The following ETV6 variants were observed in gnomAD, a reference collection of about 807,000 sequenced individuals.
ETV6 encodes the protein transcription factor ETV6.
A neutral mutation model predicts 51.1 loss-of-function variants in ETV6; 16 were observed. The ratio of observed to expected loss-of-function variants is 0.31; its 90% CI spans 0.21 to 0.48. The LOEUF (loss-of-function observed/expected upper bound fraction) is 0.48. Ranked by LOEUF, ETV6 falls within the 20% of genes least tolerant of loss-of-function variation. ETV6 has a pLI of 0.99. For synonymous variants in ETV6, 240 were observed against 224.1 expected (o/e 1.07, Z -0.64); for missense variants, 458 against 594.8 (o/e 0.77, Z 2.39).
chr12:11,827,301 C>A (rs1422642231), intron 2 of ETV6, among the ~76,000 whole-genome samples: 1 of 152,052 alleles, frequency 6.6e-6, no homozygotes, highest in African/African-American at 2.4e-5. Flanking sequence ...GTAGATTCGA[C>A]ACCCAAAGGC....
intron 2 of ETV6, among the ~76,000 whole-genome samples, chr12:11,818,697 A>T (rs540891972): frequency 6.6e-6 from 1 of 152,240 alleles, no homozygotes; most frequent in African/African-American, 2.4e-5. Context: ...GACAGTAGAA[A>T]TGCTAGTGTT....
At chr12:11,673,648 G>C (rs1007120878) in intron 1 of ETV6, among the ~76,000 whole-genome samples, 1 of 152,150 alleles carries the variant, frequency 6.6e-6, no homozygotes, top group Admixed American at 6.5e-5. Flanking sequence ...TAGGCCCTCC[G>C]AATGTCATCT....
intron 1 of ETV6, among the ~76,000 whole-genome samples, chr12:11,717,920 A>G (rs571894984): frequency 1.3e-5 from 2 of 152,168 alleles, no homozygotes; most frequent in Non-Finnish European, 2.9e-5. Context: ...AACAGAATTA[A>G]CAGCCTGGAA....
At chr12:11,882,588 C>T (rs1186918455) in intron 5 of ETV6, among the ~76,000 whole-genome samples, 1 of 152,214 alleles carries the variant, frequency 6.6e-6, no homozygotes, top group African/African-American at 2.4e-5. Context: ...AGCCACAGCA[C>T]AGTACCTACA....
intron 2 of ETV6, among the ~76,000 whole-genome samples, chr12:11,827,740 C>T (rs1946179793): frequency 6.6e-6 from 1 of 152,158 alleles, no homozygotes; most frequent in African/African-American, 2.4e-5. Flanking sequence ...AGATCAGGTC[C>T]CAGTTCAGAA....
At chr12:11,762,036 G>T (rs534583487) in intron 2 of ETV6, among the ~76,000 whole-genome samples, 5 of 152,196 alleles carry the variant, frequency 3.3e-5, no homozygotes, top group African/African-American at 7.2e-5. Context: ...AAGCCCTCCT[G>T]CAAGGAAATA....
At chr12:11,688,249 A>C (rs776652566) in intron 1 of ETV6, among the ~76,000 whole-genome samples, 1 of 152,194 alleles carries the variant, frequency 6.6e-6, no homozygotes, top group Non-Finnish European at 1.5e-5. Flanking sequence ...AAAAGAGTGA[A>C]AGGTACAATG....
chr12:11,838,118 T>G (rs1394148586), intron 2 of ETV6, among the ~76,000 whole-genome samples: 1 of 152,238 alleles, frequency 6.6e-6, no homozygotes, highest in Non-Finnish European at 1.5e-5. Flanking sequence ...GGCTGGACGC[T>G]CATCTCTGTT....
At chr12:11,717,526 A>C (rs1004300628) in intron 1 of ETV6, among the ~76,000 whole-genome samples, 1 of 152,182 alleles carries the variant, frequency 6.6e-6, no homozygotes, top group Non-Finnish European at 1.5e-5. Flanking sequence ...GCTATGGGGC[A>C]TGTATACATG....
At chr12:11,735,734 G>T (rs1007401240) in intron 1 of ETV6, among the ~76,000 whole-genome samples, 1 of 152,184 alleles carries the variant, frequency 6.6e-6, no homozygotes, top group Non-Finnish European at 1.5e-5. Flanking sequence ...GAGTAGCTGG[G>T]ATTACAGGCG....
At chr12:11,775,569 C>T (rs11054452) in intron 2 of ETV6, among the ~76,000 whole-genome samples, 5,339 of 152,226 alleles carry the variant, frequency 0.035, 106 homozygotes, top group South Asian at 0.14. Flanking sequence ...CAAGAACAGA[C>T]GCTTTTCTTG....
intron 4 of ETV6, among the ~76,000 whole-genome samples, chr12:11,864,206 T>C (rs1321422497): frequency 3.3e-5 from 5 of 152,222 alleles, no homozygotes; most frequent in African/African-American, 1.2e-4. Context: ...ATGAAAGTTC[T>C]TCCTCTCCTG....
chr12:11,869,515 T>C lies in ETV6; in HGVS notation c.555T>C (p.Pro185=), dbSNP rs1240193201. 1 of 1,613,938 alleles carries C rather than the reference T, an allele frequency of 6.2e-7. No individual in the cohort carries two copies. The highest frequency in any genetic ancestry group is 8.5e-7 in the Non-Finnish European group (1 of 1,179,992). ...AACTGTTGCACCGCTCCAGGTCACC[T>C]ATCACGACAAATCACCGGCCTTCTC... ...TIELLHRSRS[P]ITTNHRPSPD... Residue 185 remains proline, a synonymous_variant, in exon 5 of 8, where the codon CCT becomes CCC. Transcript: ENST00000396373. This position sits in a 1 kb window ranked among gnomAD's most constrained non-coding sequence, Gnocchi z 5.0.
At chr12:11,882,609 A>C (rs1947115150) in intron 5 of ETV6, among the ~76,000 whole-genome samples, 1 of 152,210 alleles carries the variant, frequency 6.6e-6, no homozygotes, top group Non-Finnish European at 1.5e-5. Context: ...AATAGCACCC[A>C]CTAAATACCG....
chr12:11,708,158 A>C (rs949294728), intron 1 of ETV6, among the ~76,000 whole-genome samples: 1 of 152,102 alleles, frequency 6.6e-6, no homozygotes, highest in Non-Finnish European at 1.5e-5. Flanking sequence ...TACCACATCC[A>C]GCCTTGATCT....
chr12:11,651,742 T>C (rs555324635), intron 1 of ETV6, among the ~76,000 whole-genome samples: 101 of 152,280 alleles, frequency 6.6e-4, no homozygotes, highest in African/African-American at 2.3e-3. Context: ...GGTAACTAAA[T>C]AGTAGGATAT....
intron 2 of ETV6, among the ~76,000 whole-genome samples, chr12:11,809,295 A>G (rs1945876077): frequency 6.6e-6 from 1 of 152,144 alleles, no homozygotes; most frequent in African/African-American, 2.4e-5. Context: ...ATGCAAAATG[A>G]ATATAGGAAA....
intron 1 of ETV6, among the ~76,000 whole-genome samples, chr12:11,689,079 C>G (rs904530381): frequency 6.9e-6 from 1 of 144,032 alleles, no homozygotes; most frequent in Non-Finnish European, 1.5e-5. Flanking sequence ...TTGGCAAGAT[C>G]TCACCAAGAT....
intron 1 of ETV6, among the ~76,000 whole-genome samples, chr12:11,707,231 A>T (rs550951309): frequency 1.3e-5 from 2 of 152,340 alleles, no homozygotes; most frequent in East Asian, 3.9e-4. Context: ...AAAAAATCAC[A>T]TTCCCTGCTT....
Sources: gnomAD v4.1 joint callset for allele counts (sites outside exome capture counted in the v4.1 genomes callset) on GRCh38, gnomAD v4.1.1 for gene constraint, Gnocchi (gnomAD v3.1) non-coding constraint, MANE v1.5 for transcripts, NCBI Gene and HGNC (gene_info 2026-07-23, HGNC 2026-07-21) for gene names.